Variants in LRMDA observed in about 807,000 individuals in gnomAD.
LRMDA encodes leucine-rich melanocyte differentiation-associated protein.
In LRMDA, 18 loss-of-function variants were observed where a neutral mutation model predicts 29.8. The observed-to-expected ratio is 0.60, with a 90% CI of 0.42 to 0.90. The LOEUF is 0.90. Ranked by LOEUF, LRMDA falls within the 40% of genes least tolerant of loss-of-function variation. LRMDA has a pLI of 0.00. For missense variants in LRMDA, 273 were observed against 273.9 expected, an observed-to-expected ratio of 1.00 and a Z score of 0.02; for synonymous variants, 125 against 109.4, an observed-to-expected ratio of 1.14 and a Z score of -0.89.
chr10:75,976,157 G>A (rs558785159), intron 2 of LRMDA, among the ~76,000 whole-genome samples: 26 of 152,330 alleles, frequency 1.7e-4, no homozygotes, highest in Admixed American at 5.9e-4. Context: ...TCCTATCAAC[G>A]TCTCCCACTT....
At chr10:76,056,971 A>T (rs1848626431) in intron 4 of LRMDA, among the ~76,000 whole-genome samples, 1 of 152,164 alleles carries the variant, frequency 6.6e-6, no homozygotes, top group African/African-American at 2.4e-5. Context: ...ATTGCTCCAG[A>T]TGGGCTGCTA....
At chr10:76,263,766 T>A (rs1009870094) in intron 5 of LRMDA, among the ~76,000 whole-genome samples, 1 of 152,148 alleles carries the variant, frequency 6.6e-6, no homozygotes, top group African/African-American at 2.4e-5. Context: ...AGAAATAAAT[T>A]GATTTTGGTG....
At chr10:75,758,950 A>T (rs1564560386) in intron 2 of LRMDA, among the ~76,000 whole-genome samples, 4 of 142,054 alleles carry the variant, frequency 2.8e-5, no homozygotes, top group African/African-American at 1.0e-4. Flanking sequence ...CTTTGCCAGT[A>T]TTTTTTTTTT....
chr10:76,064,054 G>A (rs182032314), intron 5 of LRMDA, among the ~76,000 whole-genome samples: 31 of 152,244 alleles, frequency 2.0e-4, no homozygotes, highest in Non-Finnish European at 3.7e-4. Context: ...GAGCATATTG[G>A]AAGATCCATC....
At chr10:76,298,874 T>G (rs1840444809) in intron 5 of LRMDA, among the ~76,000 whole-genome samples, 1 of 152,214 alleles carries the variant, frequency 6.6e-6, no homozygotes, top group Non-Finnish European at 1.5e-5. Context: ...GGCATCATGT[T>G]ACTCAGCTAT....
At chr10:76,541,163 G>A (rs1290091704) in intron 6 of LRMDA, among the ~76,000 whole-genome samples, 2 of 152,146 alleles carry the variant, frequency 1.3e-5, no homozygotes, top group Admixed American at 6.5e-5. Context: ...AGGCTGGTGA[G>A]AGATCATCAA....
chr10:76,204,246 T>C (rs1309750894), intron 5 of LRMDA, among the ~76,000 whole-genome samples: 1 of 145,856 alleles, frequency 6.9e-6, no homozygotes, highest in Non-Finnish European at 1.5e-5. Flanking sequence ...CGTCCACCCA[T>C]CTCTATTCCA....
intron 2 of LRMDA, among the ~76,000 whole-genome samples, chr10:75,595,352 C>T (rs1792437806): frequency 6.6e-6 from 1 of 152,020 alleles, no homozygotes; most frequent in Non-Finnish European, 1.5e-5. Context: ...TGGATCTCAG[C>T]TCATCTAATT....
Position 75,477,390 on chromosome 10 carries a change from G to T in LRMDA, c.131+38896G>T, listed in dbSNP as rs527267397. ...GAACTGCAACATACAAATTTCTTTT[G>T]GGGGATGGGTACAATTCAGCCCGTA... is the stretch of plus-strand genomic sequence containing the variant. On this transcript the variant is annotated intron_variant, in intron 2 of 6. Coordinates refer to ENST00000611255, the MANE Select transcript of LRMDA (RefSeq NM_001305581.2). Among the ~76,000 whole-genome samples, 3 of 152,246 alleles carry T rather than the reference G, an allele frequency of 2.0e-5. No homozygotes were observed. The East Asian group carries it at 5.8e-4, about 29-fold the overall frequency.
chr10:76,254,424 C>A (rs929060426), intron 5 of LRMDA, among the ~76,000 whole-genome samples: 3 of 151,884 alleles, frequency 2.0e-5, no homozygotes, highest in African/African-American at 7.3e-5. Flanking sequence ...CTATACTATA[C>A]TATACTGAAA....
intron 6 of LRMDA, among the ~76,000 whole-genome samples, chr10:76,418,749 T>C (rs576890984): frequency 6.6e-6 from 1 of 152,186 alleles, no homozygotes; most frequent in Admixed American, 6.5e-5. Flanking sequence ...ACTGTTATCA[T>C]TATCCTTTAT....
At chr10:75,669,778 G>A (rs553025939) in intron 2 of LRMDA, among the ~76,000 whole-genome samples, 3 of 152,056 alleles carry the variant, frequency 2.0e-5, no homozygotes, top group Admixed American at 6.5e-5. Context: ...TTTTAATGTT[G>A]GTAACTTGAT....
At chr10:76,406,850 T>A (rs1277850391) in intron 6 of LRMDA, among the ~76,000 whole-genome samples, 1 of 152,118 alleles carries the variant, frequency 6.6e-6, no homozygotes, top group Non-Finnish European at 1.5e-5. Context: ...TGGTCTTTGA[T>A]CCTACTCATA....
chr10:76,536,443 G>A (rs1029998379), intron 6 of LRMDA, among the ~76,000 whole-genome samples: 4 of 152,070 alleles, frequency 2.6e-5, no homozygotes, highest in African/African-American at 2.4e-5. Flanking sequence ...GTCTCCGGGG[G>A]TCGATCCAGC....
intron 6 of LRMDA, among the ~76,000 whole-genome samples, chr10:76,505,735 T>TAG (rs1842953014): frequency 6.6e-6 from 1 of 152,178 alleles, no homozygotes; most frequent in Non-Finnish European, 1.5e-5. Flanking sequence ...TTCCTTGCCA[T>TAG]CCACAATGAA....
chr10:76,484,819 G>A (rs1842765840), intron 6 of LRMDA, among the ~76,000 whole-genome samples: 1 of 151,420 alleles, frequency 6.6e-6, no homozygotes, highest in South Asian at 2.1e-4. Flanking sequence ...GTATTTTGAT[G>A]CTCTGTTGTC....
At chr10:76,025,133 C>T (rs553270350) in intron 2 of LRMDA, among the ~76,000 whole-genome samples, 6 of 152,036 alleles carry the variant, frequency 3.9e-5, no homozygotes, top group South Asian at 2.1e-4. Flanking sequence ...AATCTCAAGC[C>T]GTGAATCAAA....
chr10:75,900,427 A>G (rs1589246413), intron 2 of LRMDA, among the ~76,000 whole-genome samples: 1 of 152,306 alleles, frequency 6.6e-6, no homozygotes, highest in Non-Finnish European at 1.5e-5. Context: ...GGAGGTGTTT[A>G]TGGTTCCCGG....
chr10:76,545,363 G>A (rs1002642423), intron 6 of LRMDA, among the ~76,000 whole-genome samples: 4 of 151,638 alleles, frequency 2.6e-5, no homozygotes, highest in African/African-American at 9.7e-5. Flanking sequence ...TTCTGCTTGA[G>A]AGCAAAGCCA....
Sources: gnomAD v4.1 joint callset for allele counts (sites outside exome capture counted in the v4.1 genomes callset) on GRCh38, gnomAD v4.1.1 for gene constraint, MANE v1.5 for transcripts, NCBI Gene and HGNC (gene_info 2026-07-23, HGNC 2026-07-21) for gene names.